Variants in SPTBN1 observed in about 807,000 individuals in gnomAD.
SPTBN1 encodes the protein spectrin beta, non-erythrocytic 1.
A neutral mutation model predicts 266.4 loss-of-function variants in SPTBN1; 32 were observed. That is an observed-to-expected ratio of 0.12 (90% CI 0.09 to 0.16). The LOEUF (loss-of-function observed/expected upper bound fraction) is 0.16, where lower values mean the gene tolerates loss of function less well. SPTBN1 is among the 10% of genes least tolerant of loss of function. The probability of loss-of-function intolerance (pLI) is 1.00; values close to 1 mark genes in which losing one functional copy is unlikely to be tolerated. For missense variants in SPTBN1, 2,296 were observed against 3,067.1 expected, an observed-to-expected ratio of 0.75 and a Z score of 5.94; for synonymous variants, 1,336 against 1,162.2, an observed-to-expected ratio of 1.15 and a Z score of -3.04.
intron 1 of SPTBN1, among the ~76,000 whole-genome samples, chr2:54,490,516 G>A (rs949580938): frequency 2.6e-5 from 4 of 152,194 alleles, no homozygotes; most frequent in African/African-American, 9.6e-5. Flanking sequence ...CACTGAAAAT[G>A]GTGATGTGAT....
chr2:54,537,086 A>C (rs1671656909), intron 2 of SPTBN1, among the ~76,000 whole-genome samples: 1 of 152,186 alleles, frequency 6.6e-6, no homozygotes, highest in Non-Finnish European at 1.5e-5. Flanking sequence ...CATGCAAATG[A>C]GCCCTGAAAA....
At chr2:54,648,892 T>G in intron 24 of SPTBN1, 94 bp from the exon 25 acceptor site, 1 of 1,152,994 alleles carries the variant, frequency 8.7e-7, no homozygotes. Context: ...TGATGTAATA[T>G]GCTCTCCCAT....
intron 2 of SPTBN1, among the ~76,000 whole-genome samples, chr2:54,579,747 A>C (rs1674749495): frequency 1.3e-5 from 2 of 152,240 alleles, no homozygotes; most frequent in Non-Finnish European, 2.9e-5. Flanking sequence ...AGAATGTAGG[A>C]ACCAGTTTTA....
At chr2:54,576,072 TGAGAG>T (rs1674449726) in intron 2 of SPTBN1, among the ~76,000 whole-genome samples, 5 of 113,368 alleles carry the variant, frequency 4.4e-5, no homozygotes, top group Admixed American at 1.0e-4. Flanking sequence ...TTTTTTTTTT[TGAGAG>T]ACAGTCTGGC....
chr2:54,499,353 T>C (rs1669134348), intron 1 of SPTBN1, among the ~76,000 whole-genome samples: 1 of 152,206 alleles, frequency 6.6e-6, no homozygotes, highest in Admixed American at 6.5e-5. Flanking sequence ...TACCACCCGA[T>C]GCAGTTTGTG....
intron 10 of SPTBN1, among the ~76,000 whole-genome samples, chr2:54,624,121 C>T (rs1558439147): frequency 6.6e-6 from 1 of 152,208 alleles, no homozygotes; most frequent in Non-Finnish European, 1.5e-5. Context: ...TACAGAACTA[C>T]ATTCCTTTAT....
intron 2 of SPTBN1, among the ~76,000 whole-genome samples, chr2:54,545,778 C>G (rs570501854): frequency 6.6e-4 from 101 of 151,988 alleles, no homozygotes; most frequent in Middle Eastern, 3.4e-3. Context: ...AGGGGGTGGG[C>G]TGGATGGATT....
intron 1 of SPTBN1, among the ~76,000 whole-genome samples, chr2:54,508,679 G>A (rs1669704976): frequency 1.3e-5 from 2 of 152,172 alleles, no homozygotes; most frequent in African/African-American, 4.8e-5. Flanking sequence ...GTTTCAGCGA[G>A]GGAGTAGGTG....
chr2:54,562,141 A>T (rs1020637089), intron 2 of SPTBN1, among the ~76,000 whole-genome samples: 1 of 152,250 alleles, frequency 6.6e-6, no homozygotes, highest in African/African-American at 2.4e-5. Context: ...TAAAAGAGGA[A>T]TGTTGAAATA....
At chr2:54,599,424 G>A (rs1216522750) in intron 3 of SPTBN1, among the ~76,000 whole-genome samples, 181 bp downstream of exon 3, 2 of 152,228 alleles carry the variant, frequency 1.3e-5, no homozygotes, top group Admixed American at 1.3e-4. Context: ...CGTGGATGAT[G>A]TTCTTGAGCT....
rs375464560 is a variant in SPTBN1 at position 54,646,030 on chromosome 2, G to A, written c.4584+13G>A. On this transcript the variant is annotated intron_variant, in intron 22 of 35. Transcript: ENST00000356805. This position sits in a 1 kb window ranked among gnomAD's most constrained non-coding sequence, Gnocchi z 4.4. ...AAAGAAAAATCAGGTAAGCCTTTCT[G>A]CTCGAGCTAGTTCTGTCTGATAAAT... The A allele has an allele frequency of 1.5e-5, 25 of 1,614,082 alleles. No individual in the cohort carries two copies. The highest frequency in any genetic ancestry group is 2.1e-5 in the Non-Finnish European group (25 of 1,180,042).
At chr2:54,473,514 A>G (rs201005026) in intron 1 of SPTBN1, among the ~76,000 whole-genome samples, 1 of 129,640 alleles carries the variant, frequency 7.7e-6, no homozygotes, top group Non-Finnish European at 1.7e-5. Context: ...TTTTTTTTTT[A>G]AGCACACACG....
intron 32 of SPTBN1, chr2:54,663,623 A>C (rs1275482021): frequency 1.3e-5 from 2 of 152,278 alleles, no homozygotes; most frequent in Non-Finnish European, 2.9e-5. Flanking sequence ...TTCTCGTCTC[A>C]GTGCAGCAAG....
chr2:54,486,328 G>C (rs1263632300), intron 1 of SPTBN1, among the ~76,000 whole-genome samples: 1 of 152,092 alleles, frequency 6.6e-6, no homozygotes, highest in Non-Finnish European at 1.5e-5. Context: ...TGCCGTGTCT[G>C]TGTAGAAAGA....
chr2:54,654,578 C>T (rs1287638079), intron 27 of SPTBN1, among the ~76,000 whole-genome samples: 1 of 152,130 alleles, frequency 6.6e-6, no homozygotes, highest in Non-Finnish European at 1.5e-5. Context: ...CTGGTCACTG[C>T]TGTCTAGGCT....
chr2:54,511,107 T>C (rs1045799190), intron 1 of SPTBN1, among the ~76,000 whole-genome samples: 2 of 152,200 alleles, frequency 1.3e-5, no homozygotes, highest in Non-Finnish European at 2.9e-5. Flanking sequence ...CTTATGGCTG[T>C]CACCTATGAT....
At chr2:54,627,450 T>C (rs17344176) in intron 12 of SPTBN1, among the ~76,000 whole-genome samples, 6,221 of 152,300 alleles carry the variant, frequency 0.041, 162 homozygotes, top group Admixed American at 0.088. Context: ...ACTTAAACTC[T>C]AGAAGTTGCT....
At chr2:54,562,372 C>T (rs1186828512) in intron 2 of SPTBN1, among the ~76,000 whole-genome samples, 1 of 152,110 alleles carries the variant, frequency 6.6e-6, no homozygotes, top group Non-Finnish European at 1.5e-5. Context: ...GGCCCCACTC[C>T]ACTTACTTCT....
chr2:54,507,895 A>C (rs1669658964), intron 1 of SPTBN1, among the ~76,000 whole-genome samples: 2 of 152,014 alleles, frequency 1.3e-5, no homozygotes, highest in South Asian at 4.2e-4. Context: ...GAAGGATTAG[A>C]AACGGCTAGG....
Sources: allele counts gnomAD v4.1 joint callset (sites outside exome capture counted in the v4.1 genomes callset), GRCh38; gene constraint gnomAD v4.1.1; non-coding constraint Gnocchi (gnomAD v3.1); transcripts MANE v1.5; gene names NCBI Gene and HGNC (gene_info 2026-07-23, HGNC 2026-07-21).